The following EFCAB6 variants were observed in gnomAD, a reference collection of about 807,000 sequenced individuals.
The protein encoded by EFCAB6 is EF-hand calcium binding domain 6.
In EFCAB6, 156 loss-of-function variants were observed where a neutral mutation model predicts 169.8. The observed-to-expected ratio is 0.92, with a 90% CI of 0.81 to 1.05. The LOEUF is 1.05. Among genes scored for constraint, EFCAB6 ranks in the 50% least tolerant of loss-of-function variants. The probability of loss-of-function intolerance (pLI) is 0.00; values close to 1 mark genes in which losing one functional copy is unlikely to be tolerated. For synonymous variants in EFCAB6, 698 were observed against 676.4 expected (o/e 1.03, Z -0.50); for missense variants, 1,800 against 1,829.1 (o/e 0.98, Z 0.29).
chr22:43,605,835 C>T (rs925230877), intron 22 of EFCAB6, among the ~76,000 whole-genome samples: 3 of 152,088 alleles, frequency 2.0e-5, no homozygotes, highest in African/African-American at 7.2e-5. Flanking sequence ...TGAAGAAAAT[C>T]TTGAATCAAT....
intron 9 of EFCAB6, 129 bp from the exon 10 acceptor site, chr22:43,711,752 G>A (rs1245243104): frequency 5.6e-6 from 6 of 1,078,132 alleles, no homozygotes; most frequent in Non-Finnish European, 7.6e-6. Context: ...AGGTTACTAT[G>A]GCATGTACTG....
intron 26 of EFCAB6, among the ~76,000 whole-genome samples, chr22:43,575,222 G>A (rs192324860): frequency 6.6e-5 from 10 of 152,150 alleles, no homozygotes; most frequent in Admixed American, 1.3e-4. Flanking sequence ...ACAGAGTCTT[G>A]CTCTGTCACC....
chr22:43,626,162 ATG>A (rs1481457857), intron 20 of EFCAB6, among the ~76,000 whole-genome samples: 1 of 152,240 alleles, frequency 6.6e-6, no homozygotes, highest in African/African-American at 2.4e-5. Flanking sequence ...ATATTTATAT[ATG>A]TGTGTCACAC....
At chr22:43,728,839 GTCC>G (rs1329743718) in intron 8 of EFCAB6, among the ~76,000 whole-genome samples, 1 of 152,116 alleles carries the variant, frequency 6.6e-6, no homozygotes, top group Non-Finnish European at 1.5e-5. Context: ...TTGCAAAATT[GTCC>G]TCCCATTCTG....
chr22:43,724,552 T>A (rs2147526222), intron 8 of EFCAB6, among the ~76,000 whole-genome samples: 1 of 152,040 alleles, frequency 6.6e-6, no homozygotes, highest in South Asian at 2.1e-4. Flanking sequence ...ATATTTTTAG[T>A]AGAGACAGGG....
intron 6 of EFCAB6, among the ~76,000 whole-genome samples, chr22:43,749,415 CG>C (rs1384160979): frequency 6.6e-6 from 1 of 152,040 alleles, no homozygotes; most frequent in Non-Finnish European, 1.5e-5. Context: ...TTCTGGGTAC[CG>C]GGGACCAGTT....
chr22:43,667,343 C>G (rs1003950029), intron 16 of EFCAB6, 71 bp from the exon 17 acceptor site: 9 of 1,540,564 alleles, frequency 5.8e-6, no homozygotes, highest in Middle Eastern at 1.7e-4. Flanking sequence ...CAGACTGCAC[C>G]CATTTCCATG....
intron 17 of EFCAB6, among the ~76,000 whole-genome samples, chr22:43,645,379 C>T (rs1017521201): frequency 9.2e-5 from 14 of 152,160 alleles, no homozygotes; most frequent in African/African-American, 3.4e-4. Context: ...AACTTTAGTA[C>T]TTTTCCATGC....
intron 22 of EFCAB6, among the ~76,000 whole-genome samples, chr22:43,607,959 G>A (rs1047628051): frequency 4.6e-5 from 7 of 152,122 alleles, no homozygotes; most frequent in African/African-American, 1.2e-4. Context: ...AACCAACATC[G>A]GATAAAATTT....
chr22:43,590,295 C>T (rs746629134), intron 23 of EFCAB6, 66 bp from the exon 24 acceptor site: 42 of 1,556,560 alleles, frequency 2.7e-5, no homozygotes, highest in South Asian at 3.7e-5. Context: ...TTAAAGCAAA[C>T]ACTGCATGAT....
intron 25 of EFCAB6, among the ~76,000 whole-genome samples, chr22:43,579,730 G>C (rs1385362243): frequency 7.4e-5 from 11 of 149,190 alleles, no homozygotes; most frequent in Non-Finnish European, 5.9e-5. Context: ...ATACATGCAG[G>C]CATCATTCCC....
At chr22:43,587,067 G>T (rs559281552) in intron 24 of EFCAB6, among the ~76,000 whole-genome samples, 1 of 152,288 alleles carries the variant, frequency 6.6e-6, no homozygotes, top group African/African-American at 2.4e-5. Context: ...AGAGGCTCTG[G>T]AACTGATGAT....
At chr22:43,668,043 G>C (rs1397453277) in intron 16 of EFCAB6, among the ~76,000 whole-genome samples, 1 of 152,180 alleles carries the variant, frequency 6.6e-6, no homozygotes, top group African/African-American at 2.4e-5. Flanking sequence ...TCTTTCACCA[G>C]TTTTAGGAAG....
chr22:43,723,056 A>G (rs1371537301), intron 8 of EFCAB6, among the ~76,000 whole-genome samples: 1 of 152,216 alleles, frequency 6.6e-6, no homozygotes, highest in Non-Finnish European at 1.5e-5. Context: ...TCAAGACTTC[A>G]GTGGAGGAAG....
chr22:43,531,624 T>G (rs568038346), intron 30 of EFCAB6, among the ~76,000 whole-genome samples: 2 of 152,312 alleles, frequency 1.3e-5, no homozygotes, highest in East Asian at 1.9e-4. Context: ...AAAGTTGAAT[T>G]TTAACATAAC....
intron 8 of EFCAB6, among the ~76,000 whole-genome samples, chr22:43,720,658 A>T (rs529141520): frequency 1.3e-5 from 2 of 151,914 alleles, no homozygotes; most frequent in African/African-American, 4.8e-5. Flanking sequence ...AGAGGAAGGG[A>T]GGGAGGAAGA....
At chr22:43,808,413 C>G (rs943875766) in intron 2 of EFCAB6, among the ~76,000 whole-genome samples, 1 of 152,112 alleles carries the variant, frequency 6.6e-6, no homozygotes, top group Admixed American at 6.6e-5. Context: ...CATGTGTGTG[C>G]TTTTATAGCC....
At chr22:43,626,719 GC>G (rs1464579758) in intron 19 of EFCAB6, 40 bp from the exon 20 acceptor site, 1 of 1,601,936 alleles carries the variant, frequency 6.2e-7, no homozygotes, top group Non-Finnish European at 8.5e-7. Flanking sequence ...TTCCCCAAGA[GC>G]CCCGGACGGC....
At chr22:43,746,424 C>G (rs913528552) in intron 6 of EFCAB6, among the ~76,000 whole-genome samples, 3 of 152,164 alleles carry the variant, frequency 2.0e-5, no homozygotes, top group African/African-American at 7.2e-5. Flanking sequence ...TCCTTGCAGC[C>G]AAGATGAAGA....
Sources: allele counts gnomAD v4.1 joint callset (sites outside exome capture counted in the v4.1 genomes callset), GRCh38; gene constraint gnomAD v4.1.1; transcripts MANE v1.5; gene names NCBI Gene and HGNC (gene_info 2026-07-23, HGNC 2026-07-21).